Variants in CSGALNACT1 observed in about 807,000 individuals in gnomAD.
The protein encoded by CSGALNACT1 is beta4GalNAcT-1.
In CSGALNACT1, 52 loss-of-function variants were observed where a neutral mutation model predicts 51.0. That is an observed-to-expected ratio of 1.02 (90% CI 0.82 to 1.29). CSGALNACT1 has a LOEUF of 1.29. Among genes scored for constraint, CSGALNACT1 ranks in the 50% most tolerant of loss-of-function variants. The pLI is 0.00. For synonymous variants in CSGALNACT1, 341 were observed against 254.4 expected (o/e 1.34, Z -3.24); for missense variants, 935 against 679.2 (o/e 1.38, Z -4.19).
chr8:19,413,339 C>T (rs1468883864), intron 8 of CSGALNACT1, among the ~76,000 whole-genome samples: 2 of 152,126 alleles, frequency 1.3e-5, no homozygotes, highest in Non-Finnish European at 2.9e-5. Context: ...GTGTGGCACT[C>T]GAGTTCTCAC....
upstream of CSGALNACT1, among the ~76,000 whole-genome samples, chr8:19,605,477 T>G (rs149500810): frequency 2.0e-5 from 3 of 152,200 alleles, no homozygotes; most frequent in Non-Finnish European, 4.4e-5. Flanking sequence ...TCACTCGTTC[T>G]TGTATCCGGG....
At chr8:19,593,111 G>A (rs2048177785) in intron 2 of CSGALNACT1, among the ~76,000 whole-genome samples, 1 of 152,202 alleles carries the variant, frequency 6.6e-6, no homozygotes, top group Admixed American at 6.5e-5. Context: ...GAAGCTAACT[G>A]CTTCAGTAAC....
intron 1 of CSGALNACT1, among the ~76,000 whole-genome samples, chr8:19,750,075 G>A (rs2064933695): frequency 1.3e-5 from 2 of 152,230 alleles, no homozygotes; most frequent in Middle Eastern, 3.4e-3. Context: ...ATCCCCAACC[G>A]CTTCTGTTCA....
chr8:19,669,443 G>T (rs115359992), intron 1 of CSGALNACT1, among the ~76,000 whole-genome samples: 9,057 of 152,054 alleles, frequency 0.06, 307 homozygotes, highest in African/African-American at 0.099. Flanking sequence ...TAATTTTTTT[G>T]TTGTTGTTTG....
chr8:19,716,235 G>A (rs982539832), intron 1 of CSGALNACT1, among the ~76,000 whole-genome samples: 3 of 151,924 alleles, frequency 2.0e-5, no homozygotes, highest in Non-Finnish European at 2.9e-5. Context: ...AAAGTCATAC[G>A]CCAACTCCCC....
At chr8:19,661,293 A>G (rs944228267) in intron 1 of CSGALNACT1, among the ~76,000 whole-genome samples, 6 of 152,166 alleles carry the variant, frequency 3.9e-5, no homozygotes, top group African/African-American at 1.2e-4. Context: ...TGGCCTGGAA[A>G]CTGGGCAGGG....
upstream of CSGALNACT1, chr8:19,682,807 G>C (rs573451769): frequency 8.9e-6 from 4 of 451,738 alleles, no homozygotes; most frequent in Non-Finnish European, 4.4e-6. Flanking sequence ...TTTCCGGCCA[G>C]CACAGATAAC....
chr8:19,409,074 G>C (rs1037524664), intron 8 of CSGALNACT1, among the ~76,000 whole-genome samples: 2 of 152,154 alleles, frequency 1.3e-5, no homozygotes, highest in African/African-American at 2.4e-5. Context: ...GAGAATCGGA[G>C]GCTTGGGCCC....
chr8:19,632,751 TCTG>T (rs574030309), intron 1 of CSGALNACT1, among the ~76,000 whole-genome samples: 3 of 152,074 alleles, frequency 2.0e-5, no homozygotes, highest in African/African-American at 7.2e-5. Context: ...GTGAGTACAT[TCTG>T]CTGAGTCTTT....
intron 1 of CSGALNACT1, among the ~76,000 whole-genome samples, chr8:19,690,903 A>C (rs2061274817): frequency 6.6e-6 from 1 of 152,204 alleles, no homozygotes; most frequent in African/African-American, 2.4e-5. Flanking sequence ...CAATGACCAC[A>C]GCAACCATTA....
At chr8:19,689,772 A>T (rs4922086) in intron 1 of CSGALNACT1, among the ~76,000 whole-genome samples, 53,644 of 152,040 alleles carry the variant, frequency 0.35, 10,423 homozygotes, top group African/African-American at 0.51. Context: ...ATCAAGAGAG[A>T]GAGATGCTAG....
intron 1 of CSGALNACT1, among the ~76,000 whole-genome samples, chr8:19,714,923 C>G (rs1282510673): frequency 6.6e-6 from 1 of 152,166 alleles, no homozygotes; most frequent in Non-Finnish European, 1.5e-5. Flanking sequence ...TCCTTCCATC[C>G]TCTACCCTCA....
At chr8:19,451,381 T>C (rs2063156126) in intron 5 of CSGALNACT1, among the ~76,000 whole-genome samples, 1 of 152,244 alleles carries the variant, frequency 6.6e-6, no homozygotes, top group Non-Finnish European at 1.5e-5. Flanking sequence ...CATTGAACTT[T>C]ATAAAAATCG....
intron 1 of CSGALNACT1, among the ~76,000 whole-genome samples, chr8:19,614,329 TA>T (rs2154154742): frequency 6.6e-6 from 1 of 152,364 alleles, no homozygotes; most frequent in Non-Finnish European, 1.5e-5. Context: ...TGTTAGCTTT[TA>T]AACTCATTGT....
chr8:19,661,790 C>T (rs1006983710), intron 1 of CSGALNACT1, among the ~76,000 whole-genome samples: 3 of 152,122 alleles, frequency 2.0e-5, no homozygotes, highest in Non-Finnish European at 2.9e-5. Flanking sequence ...ACAGATGTGC[C>T]ACTCATTTCA....
intron 1 of CSGALNACT1, among the ~76,000 whole-genome samples, chr8:19,650,363 C>T (rs768632296): frequency 2.0e-5 from 3 of 152,142 alleles, no homozygotes; most frequent in Admixed American, 6.5e-5. Context: ...GTAAATACTA[C>T]GCTCTCAAAT....
intron 1 of CSGALNACT1, among the ~76,000 whole-genome samples, chr8:19,619,106 T>C (rs1447932365): frequency 6.6e-6 from 1 of 151,984 alleles, no homozygotes; most frequent in Admixed American, 6.6e-5. Flanking sequence ...AGAAAGCGTG[T>C]ACAGGGCACT....
chr8:19,410,942 G>A (rs567005287), intron 8 of CSGALNACT1, among the ~76,000 whole-genome samples: 17 of 152,326 alleles, frequency 1.1e-4, no homozygotes, highest in Admixed American at 7.8e-4. Context: ...AGTCTGGCGG[G>A]AGTGTGTGCC....
intron 1 of CSGALNACT1, among the ~76,000 whole-genome samples, chr8:19,647,363 G>A (rs1030256338): frequency 6.6e-6 from 1 of 152,204 alleles, no homozygotes; most frequent in Non-Finnish European, 1.5e-5. Flanking sequence ...GATGTATTGA[G>A]TTGGAATCAT....
Sources: gnomAD v4.1 joint callset for allele counts (sites outside exome capture counted in the v4.1 genomes callset) on GRCh38, gnomAD v4.1.1 for gene constraint, MANE v1.5 for transcripts, NCBI Gene and HGNC (gene_info 2026-07-23, HGNC 2026-07-21) for gene names.